The following ZNF627 variants were observed in gnomAD, a reference collection of about 807,000 sequenced individuals.
ZNF627 encodes the protein zinc finger protein 627.
ZNF627 carries 12 observed loss-of-function variants against 10.6 expected under a neutral mutation model. The ratio of observed to expected loss-of-function variants is 1.13; its 90% confidence interval spans 0.73 to 1.84. The LOEUF (loss-of-function observed/expected upper bound fraction) is 1.84, where lower values mean the gene tolerates loss of function less well. ZNF627 is among the 40% of genes most tolerant of loss of function. The pLI, the probability that ZNF627 is intolerant of heterozygous loss-of-function variation, is 0.00. For missense variants in ZNF627, 504 were observed against 568.4 expected (o/e 0.89, Z 1.15); for synonymous variants, 176 against 187.1 (o/e 0.94, Z 0.48).
In ZNF627 at chr19:11,614,634, C is replaced by T; in HGVS notation, c.111C>T (p.Phe37=). Residue 37 remains phenylalanine, a synonymous_variant, in exon 2 of 4, where the codon TTC becomes TTT. Transcript: ENST00000361113. ...ACAGGGATGTGATGCGGGAAACCTTCAGGAACCTGGCTTCTGTAGGTAAGG... is the reference window on the plus strand; with the variant it reads ...ACAGGGATGTGATGCGGGAAACCTTTAGGAACCTGGCTTCTGTAGGTAAGG... ...NLYRDVMRET[F]RNLASVGKQW... is the part of the protein sequence containing the mutation. The T allele has an allele frequency of 2.5e-6, 4 of 1,613,900 alleles. No individual in the cohort carries two copies. Among genetic ancestry groups the T allele is most frequent in the African/African-American group, 1.3e-5 (1 of 75,038 alleles).
intron 1 of ZNF627, among the ~76,000 whole-genome samples, chr19:11,606,346 AAAG>A (rs1294318178): frequency 1.3e-5 from 2 of 151,920 alleles, no homozygotes; most frequent in Non-Finnish European, 2.9e-5. Flanking sequence ...CAAAAAAAAA[AAAG>A]AAAGAAAAAA....
chr19:11,603,579 G>T (rs538015879), intron 1 of ZNF627, among the ~76,000 whole-genome samples: 1 of 151,530 alleles, frequency 6.6e-6, no homozygotes, highest in Non-Finnish European at 1.5e-5. Flanking sequence ...GAGCCACTAC[G>T]CCCGGCCTTA....
intron 1 of ZNF627, among the ~76,000 whole-genome samples, chr19:11,609,450 T>G: frequency 6.9e-6 from 1 of 144,212 alleles, no homozygotes; most frequent in Non-Finnish European, 1.5e-5. Flanking sequence ...CCGTACTTCC[T>G]GGGTAGTCTT....
intron 1 of ZNF627, among the ~76,000 whole-genome samples, chr19:11,612,564 C>T (rs1973791248): frequency 6.7e-6 from 1 of 150,054 alleles, no homozygotes; most frequent in South Asian, 2.1e-4. Flanking sequence ...TGGGACTACA[C>T]CAGCCCACCA....
intron 1 of ZNF627, among the ~76,000 whole-genome samples, chr19:11,609,515 A>G (rs866270544): frequency 0.026 from 2,438 of 92,822 alleles, 142 homozygotes; most frequent in East Asian, 0.18. Flanking sequence ...ATATATATAT[A>G]TATGTATTTT....
intron 1 of ZNF627, among the ~76,000 whole-genome samples, chr19:11,609,471 T>TTATATATATA (rs1168205815): frequency 0.01 from 541 of 52,994 alleles, 9 homozygotes; most frequent in Non-Finnish European, 0.02. Flanking sequence ...TTAAAAAATT[T>TTATATATATA]TATATATATA....
intron 1 of ZNF627, among the ~76,000 whole-genome samples, chr19:11,605,893 C>G (rs1340432527): frequency 6.6e-6 from 1 of 152,124 alleles, no homozygotes; most frequent in Non-Finnish European, 1.5e-5. Flanking sequence ...TGCCTATGAG[C>G]CTGTAAAATC....
intron 1 of ZNF627, among the ~76,000 whole-genome samples, chr19:11,609,442 G>A (rs934233605): frequency 5.9e-5 from 6 of 102,398 alleles, no homozygotes; most frequent in South Asian, 3.5e-4. Flanking sequence ...TTCCAGATCC[G>A]TACTTCCTGG....
At chr19:11,605,080 CTTTTTTTTT>C (rs1006143184) in intron 1 of ZNF627, among the ~76,000 whole-genome samples, 1 of 105,912 alleles carries the variant, frequency 9.4e-6, no homozygotes, top group Non-Finnish European at 1.9e-5. Context: ...TTCTTTCTTT[CTTTTTTTTT>C]TTTTTTTTTT....
rs1973922712 is a variant in ZNF627 at position 11,618,742 on chromosome 19, T to A, written c.*853T>A. ...TCCTGTTATTCGTAGCTCAATGTAATGCCTCAGTTCATTTTCAGTTGTTTG... is the reference window on the plus strand; with the variant it reads ...TCCTGTTATTCGTAGCTCAATGTAAAGCCTCAGTTCATTTTCAGTTGTTTG... On this transcript the variant is annotated 3_prime_UTR_variant, in exon 4 of 4. Transcript: ENST00000361113. 1 of 152,302 alleles carries A rather than the reference T, an allele frequency of 6.6e-6. No homozygotes were observed. The highest frequency in any genetic ancestry group is 1.5e-5 in the Non-Finnish European group (1 of 68,036). 9.4% of individuals were successfully genotyped at this position (152,302 alleles called of 1,614,324 possible). A position where few individuals can be genotyped will look rare whatever the true frequency, so the allele number is the denominator to read the frequency against.
intron 1 of ZNF627, among the ~76,000 whole-genome samples, chr19:11,612,989 T>C (rs1175000651): frequency 6.6e-6 from 1 of 150,824 alleles, no homozygotes; most frequent in Non-Finnish European, 1.5e-5. Flanking sequence ...TCACCATTTT[T>C]TGAAAAGTAT....
chr19:11,597,708 C>G (rs1171816962), intron 1 of ZNF627, 78 bp downstream of exon 1: 1 of 1,292,454 alleles, frequency 7.7e-7, no homozygotes. Context: ...TGTGGAGGGA[C>G]CTAGGCCTCC....
intron 1 of ZNF627, 115 bp downstream of exon 1, chr19:11,597,745 C>G (rs936351669): frequency 6.1e-6 from 7 of 1,144,346 alleles, no homozygotes; most frequent in Admixed American, 4.0e-5. Context: ...GTCTGGGACC[C>G]GAGTTCCCTC....
chr19:11,603,876 C>G (rs1160889824), intron 1 of ZNF627, among the ~76,000 whole-genome samples: 4 of 151,898 alleles, frequency 2.6e-5, no homozygotes, highest in Non-Finnish European at 5.9e-5. Context: ...GGTGCGATCA[C>G]TGCTCACTGC....
intron 1 of ZNF627, among the ~76,000 whole-genome samples, chr19:11,611,214 C>T (rs1054086220): frequency 1.3e-5 from 2 of 152,118 alleles, no homozygotes; most frequent in Non-Finnish European, 2.9e-5. Flanking sequence ...TATTGTGAGT[C>T]ATAGGAGTTT....
At chr19:11,611,854 C>T (rs1973776174) in intron 1 of ZNF627, among the ~76,000 whole-genome samples, 1 of 152,086 alleles carries the variant, frequency 6.6e-6, no homozygotes, top group Non-Finnish European at 1.5e-5. Flanking sequence ...TGCTGTGAGT[C>T]TCCTGTTTTG....
intron 1 of ZNF627, among the ~76,000 whole-genome samples, chr19:11,607,644 G>C (rs1973697748): frequency 2.0e-5 from 3 of 152,146 alleles, no homozygotes; most frequent in African/African-American, 7.2e-5. Context: ...TTTGCTTCAA[G>C]TTACCAACAA....
At position 11,619,135 on chromosome 19, in the gene ZNF627, A is replaced by G. The variant is rs1478420850; in HGVS notation, c.*1246A>G. The G allele has an allele frequency of 6.6e-6, 1 of 152,182 alleles. No individual in the cohort carries two copies. The highest frequency in any genetic ancestry group is 2.4e-5 in the African/African-American group (1 of 41,446). The allele number at this position is 152,182 out of a possible 1,614,324, so 9.4% of individuals were successfully genotyped here. On this transcript the variant is annotated 3_prime_UTR_variant, in exon 4 of 4. Coordinates refer to ENST00000361113, the MANE Select transcript of ZNF627 (RefSeq NM_145295.4). ...GTAATAATAATCATGACCACAAACC[A>G]TAAAGGACTGTGTGATGTATCAGTA...
At chr19:11,598,697 C>T (rs1973534375) in intron 1 of ZNF627, among the ~76,000 whole-genome samples, 1 of 151,820 alleles carries the variant, frequency 6.6e-6, no homozygotes, top group Admixed American at 6.6e-5. Context: ...CTTTATTGCA[C>T]ATTTCAAACT....
Sources: gnomAD v4.1 joint callset for allele counts (sites outside exome capture counted in the v4.1 genomes callset) on GRCh38, gnomAD v4.1.1 for gene constraint, MANE v1.5 for transcripts, NCBI Gene and HGNC (gene_info 2026-07-23, HGNC 2026-07-21) for gene names.